ADRA1A: variants seen among roughly 807,000 people sequenced by gnomAD.
The protein encoded by ADRA1A is adrenoceptor alpha 1A, also known as alpha-1A adrenergic receptor.
In ADRA1A, 31 loss-of-function variants were observed where a neutral mutation model predicts 29.6. The ratio of observed to expected loss-of-function variants is 1.05; its 90% CI spans 0.79 to 1.41. The LOEUF is 1.41. Ranked by LOEUF, ADRA1A falls within the 40% of genes most tolerant of loss-of-function variation. The probability of loss-of-function intolerance (pLI) is 0.00; values close to 1 mark genes in which losing one functional copy is unlikely to be tolerated. For missense variants in ADRA1A, 619 were observed against 601.1 expected (o/e 1.03, Z -0.31); for synonymous variants, 311 against 254.3 (o/e 1.22, Z -2.12).
At chr8:26,851,507 A>G (rs1191817937) in intron 2 of ADRA1A, among the ~76,000 whole-genome samples, 1 of 152,222 alleles carries the variant, frequency 6.6e-6, no homozygotes, top group African/African-American at 2.4e-5. Flanking sequence ...AATTAGTTAA[A>G]TCCTTATTAA....
chr8:26,802,825 GT>G (rs2130491912), intron 2 of ADRA1A, among the ~76,000 whole-genome samples: 1 of 152,268 alleles, frequency 6.6e-6, no homozygotes, highest in South Asian at 2.1e-4. Flanking sequence ...AGCAATCTAA[GT>G]ATCCATCAAC....
chr8:26,861,107 T>G (rs1209968849), intron 2 of ADRA1A, among the ~76,000 whole-genome samples: 2 of 152,136 alleles, frequency 1.3e-5, no homozygotes, highest in Non-Finnish European at 2.9e-5. Flanking sequence ...AAATCTAGTG[T>G]TGGCTCCCAG....
chr8:26,753,565 C>T (rs557166085), downstream of ADRA1A, among the ~76,000 whole-genome samples: 1 of 152,076 alleles, frequency 6.6e-6, no homozygotes, highest in Non-Finnish European at 1.5e-5. Flanking sequence ...TACTTATTTA[C>T]TTATTTCCTA....
At chr8:26,849,475 G>C (rs1255380125) in intron 2 of ADRA1A, among the ~76,000 whole-genome samples, 1 of 152,222 alleles carries the variant, frequency 6.6e-6, no homozygotes, top group East Asian at 1.9e-4. Flanking sequence ...AAACAGACAA[G>C]AGAAACAGCC....
chr8:26,846,457 A>G (rs1400085569), intron 2 of ADRA1A, among the ~76,000 whole-genome samples: 2 of 152,152 alleles, frequency 1.3e-5, no homozygotes, highest in African/African-American at 2.4e-5. Flanking sequence ...TCCCACCCCA[A>G]TTGTGACACT....
rs1158708124 is a variant in ADRA1A, at chr8:26,787,781, G to A, written c.884-17115C>T. Among the ~76,000 whole-genome samples the A allele has an allele frequency of 6.6e-6, 1 of 152,110 alleles. No homozygotes were observed. Among genetic ancestry groups the A allele is most frequent in the Non-Finnish European group, 1.5e-5 (1 of 68,016 alleles). ...TGCCTCAGTTTCCTGGCACACGTAAGTTCAGTGTCTGGCTGTAAGCATTTG... is the reference window on the plus strand; with the variant it reads ...TGCCTCAGTTTCCTGGCACACGTAAATTCAGTGTCTGGCTGTAAGCATTTG... On this transcript the variant is annotated intron_variant, in intron 2 of 2. Coordinates refer to ENST00000380573, the MANE Select transcript of ADRA1A (RefSeq NM_000680.4). The surrounding 1 kb of genome is among the most constrained non-coding windows in gnomAD (Gnocchi z 4.2).
At chr8:26,776,115 A>T (rs1806529090) in intron 2 of ADRA1A, among the ~76,000 whole-genome samples, 1 of 152,128 alleles carries the variant, frequency 6.6e-6, no homozygotes, top group African/African-American at 2.4e-5. Flanking sequence ...TACAAGATAA[A>T]ACCATTTTTT....
chr8:26,809,573 C>G (rs1023381683), intron 2 of ADRA1A, among the ~76,000 whole-genome samples: 2 of 152,174 alleles, frequency 1.3e-5, no homozygotes, highest in Non-Finnish European at 2.9e-5. Context: ...TAGGGAGGAT[C>G]CCATGGAATG....
intron 2 of ADRA1A, among the ~76,000 whole-genome samples, chr8:26,836,501 C>T (rs1811373382): frequency 6.6e-6 from 1 of 152,208 alleles, no homozygotes; most frequent in Non-Finnish European, 1.5e-5. Context: ...TGTTCTTACA[C>T]AGCAGCGCTG....
chr8:26,861,801 C>T (rs1813490799), intron 2 of ADRA1A, among the ~76,000 whole-genome samples: 1 of 152,170 alleles, frequency 6.6e-6, no homozygotes, highest in African/African-American at 2.4e-5. Flanking sequence ...TGTCCACACT[C>T]ATCAACTTTA....
At chr8:26,779,866 A>G (rs1280380888) in intron 2 of ADRA1A, among the ~76,000 whole-genome samples, 3 of 152,130 alleles carry the variant, frequency 2.0e-5, no homozygotes, top group Non-Finnish European at 2.9e-5. Flanking sequence ...TACACGGGCC[A>G]CACACCTCCA....
At chr8:26,863,851 G>A (rs908101659) in intron 2 of ADRA1A, among the ~76,000 whole-genome samples, 8 of 152,208 alleles carry the variant, frequency 5.3e-5, no homozygotes, top group Admixed American at 1.3e-4. Flanking sequence ...ATCTGCATCA[G>A]TTGGAAGCCA....
upstream of ADRA1A, chr8:26,867,374 T>C: frequency 1.0e-6 from 1 of 985,386 alleles, no homozygotes; most frequent in Non-Finnish European, 1.2e-6. Flanking sequence ...TGTTTTCCTC[T>C]GGCCTAGAGG....
At chr8:26,830,074 A>C (rs1810864363) in intron 2 of ADRA1A, among the ~76,000 whole-genome samples, 1 of 152,094 alleles carries the variant, frequency 6.6e-6, no homozygotes, top group African/African-American at 2.4e-5. Context: ...CCTCTAATGG[A>C]CTCCATTCTG....
rs887376293 is a variant in ADRA1A at position 26,865,574 on chromosome 8, T to C, written c.-605A>G. Reference sequence around the variant, plus strand: ...GAAGGCTCCTGCTCTCTCCAGCTTCTAGGAGCACAGGTCAGGGGACGTAGG... The same window carrying C: ...GAAGGCTCCTGCTCTCTCCAGCTTCCAGGAGCACAGGTCAGGGGACGTAGG... On this transcript the variant is annotated 5_prime_UTR_variant, in exon 2 of 3. The change abolishes the stop of an existing upstream ORF in the 5' untranslated region. Transcript: ENST00000380573. This position sits in a 1 kb window ranked among gnomAD's most constrained non-coding sequence, Gnocchi z 7.6. 2 of 988,802 alleles carry C rather than the reference T, an allele frequency of 2.0e-6. No homozygotes were observed. The highest frequency in any genetic ancestry group is 1.2e-6 in the Non-Finnish European group (1 of 832,400). 61.3% of individuals were successfully genotyped at this position (988,802 alleles called of 1,614,324 possible). A position where few individuals can be genotyped will look rare whatever the true frequency, so the allele number is the denominator to read the frequency against.
intron 2 of ADRA1A, among the ~76,000 whole-genome samples, chr8:26,836,746 A>C (rs1811392316): frequency 6.6e-6 from 1 of 152,254 alleles, no homozygotes; most frequent in African/African-American, 2.4e-5. Context: ...TTACAAAAAT[A>C]AACTACAAAG....
chr8:26,857,325 A>G (rs1813121734), intron 2 of ADRA1A, among the ~76,000 whole-genome samples: 2 of 152,028 alleles, frequency 1.3e-5, no homozygotes, highest in African/African-American at 4.8e-5. Flanking sequence ...ACCTTTTGGG[A>G]TGGTCTGTGG....
downstream of ADRA1A, chr8:26,766,161 A>G (rs759757560): frequency 1.3e-6 from 2 of 1,580,892 alleles, no homozygotes; most frequent in Admixed American, 3.3e-5. Flanking sequence ...TGTCCAAACA[A>G]AAAAAAAGTT....
chr8:26,763,064 AGAGGAG>A (rs536711556), downstream of ADRA1A, among the ~76,000 whole-genome samples: 684 of 152,140 alleles, frequency 4.5e-3, 7 homozygotes, highest in African/African-American at 0.016. The surrounding 1 kb of genome is among the most constrained non-coding windows in gnomAD (Gnocchi z 4.5). Context: ...AGGAAGAAGT[AGAGGAG>A]GAGGAGGAGG....
Sources: gnomAD v4.1 joint callset for allele counts (sites outside exome capture counted in the v4.1 genomes callset) on GRCh38, gnomAD v4.1.1 for gene constraint, Gnocchi (gnomAD v3.1) non-coding constraint, MANE v1.5 for transcripts, NCBI Gene and HGNC (gene_info 2026-07-23, HGNC 2026-07-21) for gene names.